The following NTM variants were observed in gnomAD, a reference collection of about 807,000 sequenced individuals.
NTM encodes neurotrimin.
NTM carries 13 observed loss-of-function variants against 42.1 expected under a neutral mutation model. That is an observed-to-expected ratio of 0.31 (90% CI 0.20 to 0.49). The LOEUF is 0.49. Among genes scored for constraint, NTM ranks in the 20% least tolerant of loss-of-function variants. The probability of loss-of-function intolerance (pLI) is 0.99; values close to 1 mark genes in which losing one functional copy is unlikely to be tolerated. For synonymous variants in NTM, 187 were observed against 179.2 expected, an observed-to-expected ratio of 1.04 and a Z score of -0.35; for missense variants, 373 against 452.8, an observed-to-expected ratio of 0.82 and a Z score of 1.60.
At chr11:131,702,975 A>G (rs1477684852) in intron 1 of NTM, among the ~76,000 whole-genome samples, 1 of 152,232 alleles carries the variant, frequency 6.6e-6, no homozygotes, top group Non-Finnish European at 1.5e-5. Flanking sequence ...AATCTGAGAA[A>G]TCAGTTAGGG....
intron 1 of NTM, among the ~76,000 whole-genome samples, chr11:131,695,416 A>T (rs146247419): frequency 2.4e-3 from 359 of 152,292 alleles, no homozygotes; most frequent in African/African-American, 8.0e-3. Flanking sequence ...ACATGTTTTC[A>T]TACAGATTGT....
chr11:131,474,215 C>A (rs894380756), intron 1 of NTM, among the ~76,000 whole-genome samples: 1 of 152,076 alleles, frequency 6.6e-6, no homozygotes, highest in African/African-American at 2.4e-5. Context: ...TGAACATATC[C>A]ACATCTCTCA....
chr11:131,655,267 G>C (rs561746295), intron 1 of NTM, among the ~76,000 whole-genome samples: 12 of 152,182 alleles, frequency 7.9e-5, no homozygotes, highest in Non-Finnish European at 1.5e-4. Flanking sequence ...GTATCTGAGA[G>C]CTTAGCTGTT....
chr11:131,430,954 G>A (rs12574829), intron 1 of NTM, among the ~76,000 whole-genome samples: 10,898 of 152,260 alleles, frequency 0.072, 1,780 homozygotes, highest in East Asian at 0.66. Flanking sequence ...TTTCCCACCC[G>A]CCAGGCTGTC....
chr11:131,632,224 C>T (rs944477108), intron 1 of NTM, among the ~76,000 whole-genome samples: 7 of 152,086 alleles, frequency 4.6e-5, no homozygotes, highest in Non-Finnish European at 8.8e-5. Context: ...ATGATTTTCT[C>T]CCTAATTGCT....
intron 1 of NTM, among the ~76,000 whole-genome samples, chr11:131,687,910 C>T (rs1477970214): frequency 6.6e-6 from 1 of 152,186 alleles, no homozygotes; most frequent in Non-Finnish European, 1.5e-5. Flanking sequence ...CGAATGTGTC[C>T]TAGCAAAGCA....
intron 1 of NTM, among the ~76,000 whole-genome samples, chr11:131,631,926 T>G (rs1235038384): frequency 6.6e-6 from 1 of 152,186 alleles, no homozygotes; most frequent in Admixed American, 6.5e-5. Flanking sequence ...TTATATTATT[T>G]TATTTATTTC....
intron 3 of NTM, among the ~76,000 whole-genome samples, chr11:132,175,915 C>T (rs1205289299): frequency 6.6e-6 from 1 of 152,176 alleles, no homozygotes; most frequent in African/African-American, 2.4e-5. Flanking sequence ...ACATTCTTTA[C>T]ATTTTTTTTG....
chr11:131,926,112 GA>G (rs10712313), intron 2 of NTM, among the ~76,000 whole-genome samples: 119,416 of 151,626 alleles, frequency 0.79, 47,171 homozygotes, highest in East Asian at 0.95. Context: ...GTATGGATTA[GA>G]AAAAAAAGGC....
chr11:131,437,114 C>A (rs868733488), intron 1 of NTM, among the ~76,000 whole-genome samples: 3 of 152,060 alleles, frequency 2.0e-5, no homozygotes, highest in Admixed American at 6.5e-5. Flanking sequence ...TTCTGAATCC[C>A]GAGTTCTAAT....
At chr11:131,625,703 C>T (rs186070801) in intron 1 of NTM, among the ~76,000 whole-genome samples, 28 of 152,290 alleles carry the variant, frequency 1.8e-4, no homozygotes, top group Admixed American at 3.9e-4. Context: ...GCAGGAATCA[C>T]CAGGCCCTGT....
intron 3 of NTM, among the ~76,000 whole-genome samples, chr11:132,203,328 G>A (rs553244005): frequency 1.3e-5 from 2 of 152,260 alleles, no homozygotes; most frequent in South Asian, 4.1e-4. Flanking sequence ...AATGCTTTAT[G>A]TATAAAAAGT....
chr11:131,487,056 C>CA (rs201403783), intron 1 of NTM, among the ~76,000 whole-genome samples: 1,639 of 151,870 alleles, frequency 0.011, 21 homozygotes, highest in African/African-American at 0.036. Flanking sequence ...GAAACCCCAG[C>CA]AAAAAAAACA....
At chr11:131,754,189 G>A (rs1008177988) in intron 1 of NTM, among the ~76,000 whole-genome samples, 15 of 149,892 alleles carry the variant, frequency 1.0e-4, no homozygotes, top group African/African-American at 3.7e-4. Flanking sequence ...GTTAAATGAC[G>A]AGTTACTGGG....
intron 2 of NTM, among the ~76,000 whole-genome samples, chr11:132,049,434 C>G (rs769077928): frequency 6.6e-6 from 1 of 152,148 alleles, no homozygotes; most frequent in Non-Finnish European, 1.5e-5. Flanking sequence ...GGAAGAGAGG[C>G]TAGGCTGGGG....
chr11:131,650,046 A>G (rs2066273845), intron 1 of NTM, among the ~76,000 whole-genome samples: 1 of 151,932 alleles, frequency 6.6e-6, no homozygotes. Flanking sequence ...CTTAGGCATC[A>G]CCCTTCTCAC....
chr11:131,944,283 T>G (rs1416217095), intron 2 of NTM, among the ~76,000 whole-genome samples: 1 of 152,198 alleles, frequency 6.6e-6, no homozygotes, highest in African/African-American at 2.4e-5. Flanking sequence ...GTGCTGGGCT[T>G]TATTAATCCT....
chr11:132,246,743 G>A (rs1426692679), intron 4 of NTM, among the ~76,000 whole-genome samples: 1 of 152,160 alleles, frequency 6.6e-6, no homozygotes, highest in African/African-American at 2.4e-5. Context: ...TTATAGCTCG[G>A]GAAGGCATCG....
At chr11:131,873,030 C>T (rs898173401) in intron 1 of NTM, among the ~76,000 whole-genome samples, 7 of 152,116 alleles carry the variant, frequency 4.6e-5, no homozygotes, top group South Asian at 2.1e-4. Context: ...TTTTAATGAT[C>T]GCCATTCTGA....
Sources: gnomAD v4.1 joint callset for allele counts (sites outside exome capture counted in the v4.1 genomes callset) on GRCh38, gnomAD v4.1.1 for gene constraint, MANE v1.5 for transcripts, NCBI Gene and HGNC (gene_info 2026-07-23, HGNC 2026-07-21) for gene names.